Variants in NEDD9 observed in about 807,000 individuals in gnomAD.
NEDD9 encodes the protein enhancer of filamentation 1.
NEDD9 carries 26 observed loss-of-function variants against 76.6 expected under a neutral mutation model. That is an observed-to-expected ratio of 0.34 (90% CI 0.25 to 0.47). The LOEUF (loss-of-function observed/expected upper bound fraction) is 0.47. Among genes scored for constraint, NEDD9 ranks in the 20% least tolerant of loss-of-function variants. The pLI, the probability that NEDD9 is intolerant of heterozygous loss-of-function variation, is 1.00. For missense variants in NEDD9, 937 were observed against 1,058.5 expected (o/e 0.89, Z 1.59); for synonymous variants, 392 against 414.2 (o/e 0.95, Z 0.65).
intron 2 of NEDD9, among the ~76,000 whole-genome samples, chr6:11,314,418 G>C (rs184708427): frequency 3.3e-5 from 5 of 152,154 alleles, no homozygotes; most frequent in African/African-American, 1.2e-4. Flanking sequence ...TGGGGAGAAA[G>C]CTAGAAATAT....
intron 1 of NEDD9, among the ~76,000 whole-genome samples, chr6:11,226,012 C>G (rs1329023046): frequency 1.3e-5 from 2 of 152,154 alleles, no homozygotes; most frequent in Non-Finnish European, 2.9e-5. Flanking sequence ...TCACCTAGAT[C>G]TCATTGTTTG....
chr6:11,210,541 C>G (rs1425828305), intron 2 of NEDD9, among the ~76,000 whole-genome samples: 1 of 152,132 alleles, frequency 6.6e-6, no homozygotes, highest in Non-Finnish European at 1.5e-5. Flanking sequence ...CACGCCTGAT[C>G]CCCAGTGTGC....
intron 1 of NEDD9, among the ~76,000 whole-genome samples, chr6:11,361,173 A>G (rs886972831): frequency 1.1e-4 from 16 of 152,240 alleles, no homozygotes; most frequent in African/African-American, 3.1e-4. Context: ...CTGTGTGCTC[A>G]GACAGCAGTG....
intron 1 of NEDD9, among the ~76,000 whole-genome samples, chr6:11,371,215 G>A (rs7740502): frequency 0.2 from 30,356 of 152,056 alleles, 3,151 homozygotes; most frequent in African/African-American, 0.25. Context: ...CTCTCCCACT[G>A]TCGACCTCCC....
At chr6:11,296,651 CTTCCTTTCCT>C (rs147179730) in intron 3 of NEDD9, among the ~76,000 whole-genome samples, 183 of 129,456 alleles carry the variant, frequency 1.4e-3, no homozygotes, top group Non-Finnish European at 1.9e-3. Flanking sequence ...CCTTTCCTTC[CTTCCTTTCCT>C]TTCCTTTCCT....
chr6:11,213,655 T>A lies in NEDD9; in HGVS notation c.85A>T (p.Ile29Phe), dbSNP rs766440843. The A allele has an allele frequency of 1.2e-6, 2 of 1,614,174 alleles. No homozygotes were observed. Among genetic ancestry groups the A allele is most frequent in the Non-Finnish European group, 1.7e-6 (2 of 1,180,024 alleles). ...GTGTTCTGCTCTATGACGGTCAGGA[T>A]GTCTCCCTTGCGAAAGGCCAGTTCC... The part of the protein sequence containing the change: ...AEELAFRKGD[I>F]LTVIEQNTGG... Residue 29 changes from isoleucine (I) to phenylalanine (F), a missense_variant, in exon 2 of 7, where the codon ATC (isoleucine) becomes TTC (phenylalanine). Coordinates refer to ENST00000379446, the MANE Select transcript of NEDD9 (RefSeq NM_006403.4). The surrounding 1 kb of genome is among the most constrained non-coding windows in gnomAD (Gnocchi z 5.4).
chr6:11,354,910 T>C (rs1326524518), intron 1 of NEDD9, among the ~76,000 whole-genome samples: 2 of 152,204 alleles, frequency 1.3e-5, no homozygotes, highest in Non-Finnish European at 2.9e-5. Context: ...TGGAGCTGCA[T>C]GTGACCATCT....
intron 1 of NEDD9, among the ~76,000 whole-genome samples, chr6:11,373,889 C>G (rs779200796): frequency 1.3e-5 from 2 of 152,168 alleles, no homozygotes; most frequent in East Asian, 3.9e-4. Context: ...GAAAAAAGAG[C>G]GACATCCACA....
At chr6:11,206,862 A>T (rs1411299407) in intron 2 of NEDD9, among the ~76,000 whole-genome samples, 1 of 152,234 alleles carries the variant, frequency 6.6e-6, no homozygotes, top group African/African-American at 2.4e-5. Flanking sequence ...CAAGAGCTGA[A>T]TGACCTCCAG....
At chr6:11,222,706 T>C (rs1759183158) in intron 1 of NEDD9, among the ~76,000 whole-genome samples, 1 of 152,146 alleles carries the variant, frequency 6.6e-6, no homozygotes, top group African/African-American at 2.4e-5. Context: ...TTAGAGATGG[T>C]TTGATGGGTT....
rs575842166 is a variant in NEDD9, at chr6:11,329,154, A to C, written c.-153+5347T>G. 1.1e-4 allele frequency among the ~76,000 whole-genome samples: 16 copies of C among 152,328 alleles called. No homozygotes were observed. The South Asian group carries it at 2.7e-3, about 26-fold the overall frequency. On this transcript the variant is annotated intron_variant, in intron 2 of 3. Coordinates refer to the NEDD9 transcript ENST00000397378. ...CAAGAGGGCCCTAAGACAAATGCAC[A>C]AATATGGCCTAGCACATGTCAAACA... is the stretch of plus-strand genomic sequence containing the variant.
chr6:11,373,661 C>A (rs975179037), intron 1 of NEDD9, among the ~76,000 whole-genome samples: 1 of 152,176 alleles, frequency 6.6e-6, no homozygotes, highest in Admixed American at 6.5e-5. Context: ...TTAATATCTA[C>A]TAAATTATTT....
upstream of NEDD9, chr6:11,233,488 C>T (rs777834240): frequency 1.5e-5 from 8 of 518,720 alleles, no homozygotes; most frequent in African/African-American, 9.6e-5. Context: ...TGTTCTTTGA[C>T]GGCTGGCATT....
At chr6:11,230,767 T>G (rs1759445956) in intron 1 of NEDD9, among the ~76,000 whole-genome samples, 1 of 152,230 alleles carries the variant, frequency 6.6e-6, no homozygotes, top group Non-Finnish European at 1.5e-5. Context: ...TCAACACCAG[T>G]AAGGCCCAGT....
chr6:11,277,765 T>C (rs1760446384), intron 3 of NEDD9, among the ~76,000 whole-genome samples: 1 of 152,198 alleles, frequency 6.6e-6, no homozygotes, highest in Non-Finnish European at 1.5e-5. Context: ...TCTTTCTGAT[T>C]CTACAGCGGA....
intron 1 of NEDD9, among the ~76,000 whole-genome samples, chr6:11,231,135 A>T (rs895185438): frequency 5.3e-5 from 8 of 152,240 alleles, no homozygotes; most frequent in African/African-American, 1.9e-4. Flanking sequence ...TTTAAGGAAG[A>T]TAACTTTCCT....
chr6:11,379,531 T>G (rs1763026172), intron 1 of NEDD9, among the ~76,000 whole-genome samples: 1 of 152,150 alleles, frequency 6.6e-6, no homozygotes, highest in Non-Finnish European at 1.5e-5. Context: ...GAAGTTGCAG[T>G]GAGCCACACT....
intron 3 of NEDD9, among the ~76,000 whole-genome samples, chr6:11,264,967 G>A (rs552792510): frequency 1.7e-4 from 26 of 152,280 alleles, no homozygotes; most frequent in African/African-American, 4.8e-4. Flanking sequence ...CCAAAGTGCT[G>A]GGGTTACAGG....
intron 3 of NEDD9, among the ~76,000 whole-genome samples, chr6:11,283,681 T>C (rs1760583286): frequency 6.6e-6 from 1 of 152,210 alleles, no homozygotes; most frequent in South Asian, 2.1e-4. Flanking sequence ...TCTTGAGTGC[T>C]TTTCTCTTTC....
Sources: gnomAD v4.1 joint callset for allele counts (sites outside exome capture counted in the v4.1 genomes callset) on GRCh38, gnomAD v4.1.1 for gene constraint, Gnocchi (gnomAD v3.1) non-coding constraint, MANE v1.5 for transcripts, NCBI Gene and HGNC (gene_info 2026-07-23, HGNC 2026-07-21) for gene names.